Variants in EEF1AKMT1 observed in about 807,000 individuals in gnomAD.
EEF1AKMT1 encodes N-6 adenine-specific DNA methyltransferase 2 (putative).
In EEF1AKMT1, 18 loss-of-function variants were observed where a neutral mutation model predicts 21.0. The observed-to-expected ratio is 0.86, with a 90% CI of 0.59 to 1.27. The LOEUF is 1.27. EEF1AKMT1 is among the 50% of genes most tolerant of loss of function. EEF1AKMT1 has a pLI of 0.00. For missense variants in EEF1AKMT1, 246 were observed against 258.6 expected, an observed-to-expected ratio of 0.95 and a Z score of 0.33; for synonymous variants, 109 against 94.8, an observed-to-expected ratio of 1.15 and a Z score of -0.87.
rs146135484 is a variant in EEF1AKMT1 at position 20,732,118 on chromosome 13, G to A, written c.231C>T (p.Ile77=). The A allele has an allele frequency of 1.1e-4, 178 of 1,604,976 alleles. No homozygotes were observed. Among genetic ancestry groups the A allele is most frequent in the Non-Finnish European group, 1.4e-4 (169 of 1,175,964 alleles). The change falls in exon 4 of 5, where the codon ATC becomes ATT. Residue 77 remains isoleucine (I), a synonymous_variant. Coordinates refer to ENST00000382758, the MANE Select transcript of EEF1AKMT1 (RefSeq NM_001318939.2). ...AIAAVGEGGR[I]ACVSAPSVYQ... is the part of the protein sequence containing the mutation. ...AAACACTAGGGGCACTCACACATGC[G>A]ATTCTAGGAGACAAAATGAACACAC... is the stretch of plus-strand genomic sequence containing the variant.
chr13:20,753,655 T>C (rs2058955050), intron 2 of EEF1AKMT1, among the ~76,000 whole-genome samples: 1 of 152,196 alleles, frequency 6.6e-6, no homozygotes, highest in Non-Finnish European at 1.5e-5. Flanking sequence ...ATTGATCCCT[T>C]TATCATTATA....
chr13:20,747,984 C>G (rs7331195), intron 2 of EEF1AKMT1: 193,817 of 245,236 alleles, frequency 0.79, 78,696 homozygotes, highest in East Asian at 1. Context: ...TTTCATAAAT[C>G]TAGTTTTTCC....
At chr13:20,772,240 T>C (rs911482404) in intron 1 of EEF1AKMT1, among the ~76,000 whole-genome samples, 29 of 152,044 alleles carry the variant, frequency 1.9e-4, no homozygotes, top group Non-Finnish European at 3.7e-4. Flanking sequence ...TAAAAAAAAT[T>C]TTTTTCTTTA....
chr13:20,762,128 G>A (rs1222412435), intron 1 of EEF1AKMT1, among the ~76,000 whole-genome samples: 3 of 151,352 alleles, frequency 2.0e-5, no homozygotes, highest in Admixed American at 2.0e-4. Flanking sequence ...ATAAAACATG[G>A]CACATCTCTC....
At chr13:20,746,164 T>G (rs1285633713) in intron 2 of EEF1AKMT1, among the ~76,000 whole-genome samples, 3 of 152,170 alleles carry the variant, frequency 2.0e-5, no homozygotes, top group African/African-American at 4.8e-5. Context: ...CATTATTTTT[T>G]TTTTTTAGAC....
Position 20,756,763 on chromosome 13 carries a change from T to C in EEF1AKMT1, c.144+692A>G, listed in dbSNP as rs182439734. On this transcript the variant is annotated intron_variant, in intron 2 of 4. Transcript: ENST00000382758. The stretch of plus-strand genomic sequence containing the variant: ...ATTGTTCTCCACCCTTTACCTATTT[T>C]ACATATACTTACCCTTTCCTACTTG... Among the ~76,000 whole-genome samples the C allele has an allele frequency of 3.0e-3, 459 of 152,322 alleles. 1 individual carries two copies. The highest frequency in any genetic ancestry group is 2.8e-3 in the Non-Finnish European group (191 of 68,034).
intron 1 of EEF1AKMT1, among the ~76,000 whole-genome samples, chr13:20,759,340 G>A (rs1056033122): frequency 6.6e-6 from 1 of 152,224 alleles, no homozygotes; most frequent in Non-Finnish European, 1.5e-5. Flanking sequence ...AGCACTTTGG[G>A]AGATGGAGGC....
chr13:20,763,458 T>G (rs2059011642), intron 1 of EEF1AKMT1, among the ~76,000 whole-genome samples: 2 of 136,406 alleles, frequency 1.5e-5, no homozygotes, highest in African/African-American at 5.8e-5. Flanking sequence ...GAAATTTTTG[T>G]TTTTTTTTTT....
chr13:20,734,092 G>A (rs2058813131), intron 3 of EEF1AKMT1, among the ~76,000 whole-genome samples: 1 of 152,220 alleles, frequency 6.6e-6, no homozygotes, highest in South Asian at 2.1e-4. Context: ...AGTACAGTGG[G>A]ATTATAGCCT....
intron 1 of EEF1AKMT1, among the ~76,000 whole-genome samples, chr13:20,770,216 A>G (rs537200313): frequency 6.6e-6 from 1 of 152,220 alleles, no homozygotes; most frequent in South Asian, 2.1e-4. Flanking sequence ...ATTTAAAAAA[A>G]TACTGCATAA....
At chr13:20,735,123 A>G (rs545504155) in intron 3 of EEF1AKMT1, among the ~76,000 whole-genome samples, 1 of 152,220 alleles carries the variant, frequency 6.6e-6, no homozygotes, top group Non-Finnish European at 1.5e-5. Flanking sequence ...GCAGACCTGC[A>G]ATGGCCGAAT....
Position 20,731,914 on chromosome 13 carries a change from A to G in EEF1AKMT1, c.435T>C (p.Leu145=). The G allele has an allele frequency of 6.2e-7, 1 of 1,614,206 alleles. No homozygotes were observed. The highest frequency in any genetic ancestry group is 1.6e-4 in the Middle Eastern group (1 of 6,062). Residue 145 remains leucine, a synonymous_variant, in exon 4 of 5, where the codon CTT becomes CTC. Coordinates refer to ENST00000382758, the MANE Select transcript of EEF1AKMT1 (RefSeq NM_001318939.2). ...ATGTTTTTCTGAGACATTCCTCCGAAAGATAGGGAGGATCTGCTATTACGA... is the reference window on the plus strand; with the variant it reads ...ATGTTTTTCTGAGACATTCCTCCGAGAGATAGGGAGGATCTGCTATTACGA... ...FDIVIADPPY[L]SEECLRKTSE... is the part of the protein sequence containing the mutation.
At chr13:20,733,625 G>T (rs139619262) in intron 3 of EEF1AKMT1, among the ~76,000 whole-genome samples, 139 of 152,322 alleles carry the variant, frequency 9.1e-4, no homozygotes, top group African/African-American at 3.3e-3. Context: ...AGAACAGTGT[G>T]AAGTATGCTT....
chr13:20,741,876 C>T (rs981111894), intron 2 of EEF1AKMT1, among the ~76,000 whole-genome samples: 7 of 152,148 alleles, frequency 4.6e-5, no homozygotes, highest in Non-Finnish European at 7.3e-5. Context: ...ACAAATTTTA[C>T]CTCTTCAGAC....
intron 2 of EEF1AKMT1, among the ~76,000 whole-genome samples, chr13:20,745,280 C>T (rs1050516966): frequency 6.6e-6 from 1 of 152,164 alleles, no homozygotes; most frequent in Non-Finnish European, 1.5e-5. Flanking sequence ...GGCAGTATGG[C>T]CATTTTCAAA....
At chr13:20,729,293 G>T in intron 4 of EEF1AKMT1, 77 bp from the exon 5 acceptor site, 2 of 1,549,984 alleles carry the variant, frequency 1.3e-6, no homozygotes, top group Non-Finnish European at 1.8e-6. Flanking sequence ...TGTGAGAGGG[G>T]CTCTAGGCGG....
chr13:20,731,803 G>A, intron 4 of EEF1AKMT1, 38 bp downstream of exon 4: 3 of 1,580,846 alleles, frequency 1.9e-6, no homozygotes, highest in Non-Finnish European at 2.6e-6. Context: ...AATAGCCACT[G>A]TCAGTGACTT....
At position 20,732,002 on chromosome 13, in the gene EEF1AKMT1, A is replaced by G; in HGVS notation, c.347T>C (p.Ile116Thr). 1 of 1,614,242 alleles carries G rather than the reference A, an allele frequency of 6.2e-7. No individual in the cohort carries two copies. Among genetic ancestry groups the G allele is most frequent in the Non-Finnish European group, 8.5e-7 (1 of 1,180,046 alleles). The change falls in exon 4 of 5, where the codon ATT (isoleucine) becomes ACT (threonine). Residue 116 changes from isoleucine (I) to threonine (T), a missense_variant. By Grantham distance (89) the Ile-to-Thr change is moderately conservative. Transcript: ENST00000382758. ...CAATGGATTATTGTAATCATAGAAA[A>G]TAAACTCCTCTCCATACATGGCAAA... is the stretch of plus-strand genomic sequence containing the variant. Reference protein sequence around the residue: ...KRFAMYGEEFIFYDYNNPLDL... With the variant: ...KRFAMYGEEFTFYDYNNPLDL...
intron 1 of EEF1AKMT1, among the ~76,000 whole-genome samples, chr13:20,772,739 C>A (rs535972704): frequency 6.6e-6 from 1 of 152,056 alleles, no homozygotes; most frequent in Admixed American, 6.5e-5. Flanking sequence ...AGCAAAGGGG[C>A]GGACACGTTA....
Sources: allele counts gnomAD v4.1 joint callset (sites outside exome capture counted in the v4.1 genomes callset), GRCh38; gene constraint gnomAD v4.1.1; transcripts MANE v1.5; gene names NCBI Gene and HGNC (gene_info 2026-07-23, HGNC 2026-07-21).